The following HMCN1 variants were observed in gnomAD, a reference collection of about 807,000 sequenced individuals.
HMCN1 encodes the protein hemicentin 1, also known as hemicentin-1.
HMCN1 carries 321 observed loss-of-function variants against 625.9 expected under a neutral mutation model. That is an observed-to-expected ratio of 0.51 (90% confidence interval 0.47 to 0.56). The LOEUF is 0.56. Among genes scored for constraint, HMCN1 ranks in the 20% least tolerant of loss-of-function variants. HMCN1 has a pLI of 0.00. For synonymous variants in HMCN1, 2,425 were observed against 2,417.6 expected, an observed-to-expected ratio of 1.00 and a Z score of -0.09; for missense variants, 6,588 against 6,887.3, an observed-to-expected ratio of 0.96 and a Z score of 1.54.
intron 76 of HMCN1, among the ~76,000 whole-genome samples, 156 bp from the exon 77 acceptor site, chr1:186,117,303 C>G (rs1159667748): frequency 1.3e-5 from 2 of 151,884 alleles, no homozygotes; most frequent in African/African-American, 4.8e-5. Flanking sequence ...TACTTCATCA[C>G]CCAGGTATTA....
At position 185,891,385 on chromosome 1, in the gene HMCN1, T is replaced by A. The variant is rs923650274; in HGVS notation, c.622-17952T>A. 4.7e-5 allele frequency among the ~76,000 whole-genome samples: 7 copies of A among 148,014 alleles called. No homozygotes were observed. In the East Asian group the frequency reaches 1.4e-3, roughly 29 times the overall value. The stretch of plus-strand genomic sequence containing the variant: ...TTAGCTGGTTATTTTGCTCGTTAGT[T>A]GATGCAGTTTCTTGCTAGTCTCGAT... On this transcript the variant is annotated intron_variant, in intron 4 of 106. Transcript: ENST00000271588.
At position 185,994,805 on chromosome 1, in the gene HMCN1, T is replaced by C. The variant is rs1365785949; in HGVS notation, c.3506-10T>C. The C allele has an allele frequency of 6.2e-7, 1 of 1,612,566 alleles. No homozygotes were observed. The highest frequency in any genetic ancestry group is 1.3e-5 in the African/African-American group (1 of 74,844). ...AAGTTGGATTATTAATACCCAGTTA[T>C]TATTTCTAGTTCCTCCAAAGATACA... On this transcript the variant is annotated splice_polypyrimidine_tract_variant and intron_variant, in intron 23 of 106. Coordinates refer to ENST00000271588, the MANE Select transcript of HMCN1 (RefSeq NM_031935.3).
intron 39 of HMCN1, 101 bp from the exon 40 acceptor site, chr1:186,040,912 C>T: frequency 7.7e-7 from 1 of 1,291,394 alleles, no homozygotes; most frequent in East Asian, 2.4e-5. Context: ...TCCTAAAAGG[C>T]AAATGTCAAC....
chr1:185,970,179 A>G (rs74134240), intron 14 of HMCN1, among the ~76,000 whole-genome samples, 156 bp from the exon 15 acceptor site: 4,481 of 152,288 alleles, frequency 0.029, 218 homozygotes, highest in African/African-American at 0.1. Flanking sequence ...TACAGGTCTG[A>G]ATTTTAGACT....
At chr1:186,184,088 CACTT>C (rs949038345) in intron 105 of HMCN1, among the ~76,000 whole-genome samples, 2 of 152,180 alleles carry the variant, frequency 1.3e-5, no homozygotes, top group African/African-American at 4.8e-5. Context: ...CTTTGTCACT[CACTT>C]AGTTCAAAAC....
At position 186,178,508 on chromosome 1, in the gene HMCN1, C is replaced by T; in HGVS notation, c.16036C>T (p.His5346Tyr). 1 of 1,614,050 alleles carries T rather than the reference C, an allele frequency of 6.2e-7. No individual in the cohort carries two copies. The highest frequency in any genetic ancestry group is 8.5e-7 in the Non-Finnish European group (1 of 1,179,956). ...CAAGTGTATCTGTCCACCAGGACAA[C>T]ATTTATTAGGGGACGGGAAATCTTG... ...SFKCICPPGQ[H>Y]LLGDGKSCAG... Residue 5346 changes from histidine to tyrosine, a missense_variant, in exon 104 of 107, where the codon CAT becomes TAT. His to Tyr is a moderately conservative substitution (Grantham distance 83). Transcript: ENST00000271588.
intron 51 of HMCN1, 150 bp from the exon 52 acceptor site, chr1:186,070,462 A>G (rs971523268): frequency 2.0e-5 from 14 of 701,164 alleles, no homozygotes; most frequent in Non-Finnish European, 3.5e-5. Flanking sequence ...CTTTCATAAG[A>G]TGTTAACTTA....
intron 105 of HMCN1, among the ~76,000 whole-genome samples, chr1:186,182,757 G>A (rs2102668966): frequency 6.6e-6 from 1 of 152,220 alleles, no homozygotes; most frequent in South Asian, 2.1e-4. Context: ...CATTGATGTG[G>A]AACAATTATG....
At chr1:186,017,106 G>A (rs756894500) in intron 33 of HMCN1, 35 bp downstream of exon 33, 1 of 1,135,554 alleles carries the variant, frequency 8.8e-7, no homozygotes, top group Non-Finnish European at 1.3e-6. Flanking sequence ...AATACCTCCT[G>A]CTTTTTGTTT....
chr1:186,061,714 A>G, intron 46 of HMCN1, 137 bp from the exon 47 acceptor site: 1 of 487,318 alleles, frequency 2.1e-6, no homozygotes, highest in South Asian at 4.4e-5. Flanking sequence ...TTTTTAAAAA[A>G]GCTTAACATA....
At chr1:185,822,340 C>A (rs960566688) in intron 1 of HMCN1, among the ~76,000 whole-genome samples, 5 of 151,990 alleles carry the variant, frequency 3.3e-5, no homozygotes, top group Non-Finnish European at 7.4e-5. Flanking sequence ...TTCCTTCATC[C>A]CAGTTTTGTT....
At chr1:185,839,376 CT>C (rs1253063023) in intron 1 of HMCN1, among the ~76,000 whole-genome samples, 1 of 152,038 alleles carries the variant, frequency 6.6e-6, no homozygotes, top group South Asian at 2.1e-4. Flanking sequence ...TATTTATTTT[CT>C]TTTTGTTTGC....
intron 48 of HMCN1, among the ~76,000 whole-genome samples, chr1:186,063,031 G>GGAAT (rs1236288336): frequency 1.7e-5 from 2 of 119,164 alleles, no homozygotes; most frequent in African/African-American, 6.7e-5. Flanking sequence ...AGTATTCCAT[G>GGAAT]GAATGTGTGT....
rs1659666631 is a variant in HMCN1, at chr1:186,088,599, C to T, written c.9578-7C>T. 1.9e-6 allele frequency: 3 copies of T among 1,610,388 alleles called. No individual in the cohort carries two copies. Among genetic ancestry groups the T allele is most frequent in the African/African-American group, 2.7e-5 (2 of 74,682 alleles). ...TATGTTTTATTGTGCTTTGTTTCTA[C>T]CTCTAGAAAATTCTGACTCACTGGA... is the stretch of plus-strand genomic sequence containing the variant. On this transcript the variant is annotated splice_polypyrimidine_tract_variant and splice_region_variant and intron_variant, in intron 62 of 106. Transcript: ENST00000271588.
At chr1:186,077,751 C>T (rs1265652047) in intron 54 of HMCN1, among the ~76,000 whole-genome samples, 2 of 152,230 alleles carry the variant, frequency 1.3e-5, no homozygotes, top group African/African-American at 2.4e-5. Flanking sequence ...CAAGTACTTG[C>T]AGCAAATGGT....
chr1:185,776,911 T>C (rs1206129545), intron 1 of HMCN1, among the ~76,000 whole-genome samples: 1 of 152,248 alleles, frequency 6.6e-6, no homozygotes, highest in East Asian at 1.9e-4. Context: ...TTTTGTTATA[T>C]TATTTATTGT....
intron 93 of HMCN1, 33 bp from the exon 94 acceptor site, chr1:186,151,167 C>A (rs1392937714): frequency 6.2e-7 from 1 of 1,611,660 alleles, no homozygotes; most frequent in African/African-American, 1.3e-5. Flanking sequence ...AAATTGCATC[C>A]TTATCCAGGA....
At chr1:185,887,407 C>T (rs943616805) in intron 4 of HMCN1, among the ~76,000 whole-genome samples, 24 of 151,302 alleles carry the variant, frequency 1.6e-4, no homozygotes, top group Non-Finnish European at 2.9e-4. Context: ...GCTGCACCCA[C>T]TAACTCGTCA....
At chr1:185,983,926 A>G (rs1051906961) in intron 18 of HMCN1, among the ~76,000 whole-genome samples, 1 of 152,196 alleles carries the variant, frequency 6.6e-6, no homozygotes, top group Admixed American at 6.5e-5. Flanking sequence ...TTCTTTTTTT[A>G]GCTTGTGCTT....
Sources: gnomAD v4.1 joint callset for allele counts (sites outside exome capture counted in the v4.1 genomes callset) on GRCh38, gnomAD v4.1.1 for gene constraint, MANE v1.5 for transcripts, NCBI Gene and HGNC (gene_info 2026-07-23, HGNC 2026-07-21) for gene names.